Variants in ZNRF3 observed in about 807,000 individuals in gnomAD.
ZNRF3 encodes zinc and ring finger 3.
A neutral mutation model predicts 72.5 loss-of-function variants in ZNRF3; 23 were observed. That is an observed-to-expected ratio of 0.32 (90% CI 0.23 to 0.45). ZNRF3 has a LOEUF of 0.45. ZNRF3 is among the 20% of genes least tolerant of loss of function. The pLI, the probability that ZNRF3 is intolerant of heterozygous loss-of-function variation, is 1.00. For missense variants in ZNRF3, 1,169 were observed against 1,272.1 expected, an observed-to-expected ratio of 0.92 and a Z score of 1.23; for synonymous variants, 610 against 545.3, an observed-to-expected ratio of 1.12 and a Z score of -1.65.
intron 1 of ZNRF3, among the ~76,000 whole-genome samples, chr22:28,953,453 C>T (rs1428107565): frequency 3.3e-5 from 5 of 152,194 alleles, no homozygotes; most frequent in Admixed American, 3.3e-4. Context: ...GCCTGGAGGC[C>T]AACCCTGAAG....
chr22:29,050,999 G>A lies in ZNRF3; in HGVS notation c.2767+51G>A, dbSNP rs575816660. ...CAGAGCAGGAGTTTCCATCAGGGTC[G>A]TCTTGTCTTCTGTCTTAGGCATTTT... On this transcript the variant is annotated intron_variant, in intron 8 of 8. Transcript: ENST00000544604. 52 of 1,488,156 alleles carry A rather than the reference G, an allele frequency of 3.5e-5. No homozygotes were observed. The South Asian group carries it at 4.3e-4, about 12-fold the overall frequency. 92.2% of individuals were successfully genotyped at this position (1,488,156 alleles called of 1,614,324 possible).
intron 1 of ZNRF3, among the ~76,000 whole-genome samples, chr22:28,888,631 A>G (rs1389140285): frequency 6.6e-6 from 1 of 152,190 alleles, no homozygotes; most frequent in Non-Finnish European, 1.5e-5. Flanking sequence ...GATTAAAGGG[A>G]AAGTAGTGAT....
At chr22:28,949,694 A>G (rs1217491250) in intron 1 of ZNRF3, among the ~76,000 whole-genome samples, 1 of 152,218 alleles carries the variant, frequency 6.6e-6, no homozygotes, top group Non-Finnish European at 1.5e-5. Flanking sequence ...TTCAAGTTTT[A>G]TCATTGGCAA....
At chr22:28,895,868 T>G (rs536673795) in intron 1 of ZNRF3, among the ~76,000 whole-genome samples, 43 of 152,302 alleles carry the variant, frequency 2.8e-4, no homozygotes, top group African/African-American at 8.9e-4. Flanking sequence ...GCTTTAGGGT[T>G]CCTGGTGTAC....
rs184288724 is a variant in ZNRF3, at chr22:28,889,632, C to T, written c.300+5566C>T. Among the ~76,000 whole-genome samples, 262 of 152,276 alleles carry T rather than the reference C, an allele frequency of 1.7e-3. 1 individual carries two copies. The highest frequency in any genetic ancestry group is 3.4e-3 in the Middle Eastern group (1 of 294). ...ATTCTTACCAAATGGGTTTCTCCAC[C>T]GAACTGAGCCCTTAGGCCCTGAGGC... On this transcript the variant is annotated intron_variant, in intron 1 of 8. Coordinates refer to ENST00000544604, the MANE Select transcript of ZNRF3 (RefSeq NM_001206998.2).
chr22:29,044,953 AG>A (rs1196216820), intron 5 of ZNRF3, 63 bp downstream of exon 5: 16 of 1,174,874 alleles, frequency 1.4e-5, no homozygotes, highest in Non-Finnish European at 2.0e-5. Context: ...GGGGAAAACC[AG>A]GACTCTCGTC....
At chr22:28,992,841 C>T (rs1358629261) in intron 2 of ZNRF3, 1 of 152,218 alleles carries the variant, frequency 6.6e-6, no homozygotes, top group Non-Finnish European at 1.5e-5. Context: ...TCTTCTTCCC[C>T]TGAACACAGA....
intron 2 of ZNRF3, among the ~76,000 whole-genome samples, chr22:29,003,667 CTGTCT>C (rs2036192621): frequency 6.6e-6 from 1 of 151,588 alleles, no homozygotes; most frequent in African/African-American, 2.4e-5. Context: ...TAGTGAGACC[CTGTCT>C]CTACAAAACA....
chr22:29,051,603 TAAAAAAA>T (rs1212194016), intron 8 of ZNRF3, among the ~76,000 whole-genome samples: 5 of 105,024 alleles, frequency 4.8e-5, no homozygotes, highest in Non-Finnish European at 9.8e-5. Context: ...GACTCTGTCT[TAAAAAAA>T]AAAAAAAAAA....
chr22:28,972,146 C>T (rs2035586607), intron 1 of ZNRF3, among the ~76,000 whole-genome samples: 1 of 152,116 alleles, frequency 6.6e-6, no homozygotes, highest in Non-Finnish European at 1.5e-5. Flanking sequence ...TATAATTCAC[C>T]TATATAAAGT....
chr22:28,997,853 A>C (rs2036070670), intron 2 of ZNRF3, among the ~76,000 whole-genome samples: 1 of 151,926 alleles, frequency 6.6e-6, no homozygotes, highest in Admixed American at 6.6e-5. Flanking sequence ...AAAAAACAAA[A>C]AAATAGCTGG....
intron 2 of ZNRF3, among the ~76,000 whole-genome samples, chr22:28,996,269 G>T (rs1249805265): frequency 6.6e-6 from 1 of 152,116 alleles, no homozygotes; most frequent in African/African-American, 2.4e-5. Flanking sequence ...AGTGACATTT[G>T]CCCTTTTCAC....
chr22:28,981,851 G>T (rs2035769726), intron 1 of ZNRF3, among the ~76,000 whole-genome samples: 1 of 152,130 alleles, frequency 6.6e-6, no homozygotes, highest in South Asian at 2.1e-4. Context: ...ACAAAAATTA[G>T]CTGAGCGTGG....
rs575819283 is a variant in ZNRF3, at chr22:28,940,496, CT to C, written c.301-46563del. Among the ~76,000 whole-genome samples the C allele has an allele frequency of 3.9e-3, 541 of 138,218 alleles. 3 individuals are homozygous for C. The highest frequency in any genetic ancestry group is 0.012 in the African/African-American group (436 of 37,542). The allele number at this position is 138,218 out of a possible 152,430, so 90.7% of individuals were successfully genotyped here. ...GTTACAGAGCCACACTAGGTTTCTGCTTTTTTTTTTTTTTTTTCTTAAATAG... is the reference window on the plus strand; with the variant it reads ...GTTACAGAGCCACACTAGGTTTCTGCTTTTTTTTTTTTTTTTCTTAAATAG... On this transcript the variant is annotated intron_variant, in intron 1 of 8. Coordinates refer to ENST00000544604, the MANE Select transcript of ZNRF3 (RefSeq NM_001206998.2).
chr22:29,038,697 A>G (rs1053964867), intron 2 of ZNRF3, among the ~76,000 whole-genome samples: 2 of 152,052 alleles, frequency 1.3e-5, no homozygotes, highest in Non-Finnish European at 2.9e-5. Flanking sequence ...TGGGTTATTC[A>G]TGGCCTATTT....
At position 28,909,739 on chromosome 22, in the gene ZNRF3, C is replaced by A. The variant is rs372502826; in HGVS notation, c.300+25673C>A. ...GGGACTATAGGCGCATGCCACCATG[C>A]CTGGCTAATTTTTTTTTTTTTTTTT... On this transcript the variant is annotated intron_variant, in intron 1 of 8. Transcript: ENST00000544604. Among the ~76,000 whole-genome samples the A allele has an allele frequency of 1.5e-3, 209 of 143,054 alleles. 2 individuals are homozygous for A. The highest frequency in any genetic ancestry group is 4.8e-3 in the African/African-American group (192 of 39,794). The allele number at this position is 143,054 out of a possible 152,430, so 93.8% of individuals were successfully genotyped here. A position where few individuals can be genotyped will look rare whatever the true frequency, so the allele number is the denominator to read the frequency against.
chr22:28,976,363 A>T (rs2035674750), intron 1 of ZNRF3, among the ~76,000 whole-genome samples: 1 of 152,148 alleles, frequency 6.6e-6, no homozygotes, highest in Non-Finnish European at 1.5e-5. Context: ...CTCTACTAAA[A>T]ATACAAAAAT....
At position 29,055,004 on chromosome 22, in the gene ZNRF3, T is replaced by C. The variant is rs1339432907; in HGVS notation, c.*1382T>C. The C allele has an allele frequency of 1.3e-5, 2 of 152,672 alleles. No individual in the cohort carries two copies. Among genetic ancestry groups the C allele is most frequent in the African/African-American group, 4.8e-5 (2 of 41,444 alleles). The allele number at this position is 152,672 out of a possible 1,614,324, so 9.5% of individuals were successfully genotyped here. A position where few individuals can be genotyped will look rare whatever the true frequency, so the allele number is the denominator to read the frequency against. On this transcript the variant is annotated 3_prime_UTR_variant, in exon 9 of 9. Coordinates refer to ENST00000544604, the MANE Select transcript of ZNRF3 (RefSeq NM_001206998.2). The stretch of plus-strand genomic sequence containing the variant: ...ACAGAGAGAGAGAGAGACTATCAGA[T>C]AGTTTACACCCAAAGGGTAGGTTTT...
At chr22:29,024,692 A>G (rs570527220) in intron 2 of ZNRF3, among the ~76,000 whole-genome samples, 1 of 152,224 alleles carries the variant, frequency 6.6e-6, no homozygotes, top group South Asian at 2.1e-4. Flanking sequence ...TATATGCTCA[A>G]TAAGTATTTG....
Sources: allele counts gnomAD v4.1 joint callset (sites outside exome capture counted in the v4.1 genomes callset), GRCh38; gene constraint gnomAD v4.1.1; transcripts MANE v1.5; gene names NCBI Gene and HGNC (gene_info 2026-07-23, HGNC 2026-07-21).